The following ZNF534 variants were observed in gnomAD, a reference collection of about 807,000 sequenced individuals.
ZNF534 encodes the protein zinc finger protein 534, also known as KRAB domain only 3.
ZNF534 carries 19 observed loss-of-function variants against 13.6 expected under a neutral mutation model. The observed-to-expected ratio is 1.40, with a 90% confidence interval of 0.97 to 2.05. The LOEUF (loss-of-function observed/expected upper bound fraction) is 2.05, where lower values mean the gene tolerates loss of function less well. Among genes scored for constraint, ZNF534 ranks in the 30% most tolerant of loss-of-function variants. The pLI is 0.00. For missense variants in ZNF534, 782 were observed against 796.3 expected, an observed-to-expected ratio of 0.98 and a Z score of 0.22; for synonymous variants, 244 against 273.8, an observed-to-expected ratio of 0.89 and a Z score of 1.07.
chr19:52,431,530 T>G (rs1332546642), intron 2 of ZNF534, 41 bp downstream of exon 2: 1 of 1,613,216 alleles, frequency 6.2e-7, no homozygotes. Context: ...TCTCTGTTTC[T>G]TCCTGAAATG....
In ZNF534 at chr19:52,439,194, C is replaced by G; in HGVS notation, c.1734C>G (p.His578Gln). 2 of 1,537,500 alleles carry G rather than the reference C, an allele frequency of 1.3e-6. No homozygotes were observed. Among genetic ancestry groups the G allele is most frequent in the Non-Finnish European group, 1.8e-6 (2 of 1,136,860 alleles). The change falls in exon 5 of 5, where the codon CAC becomes CAG. Residue 578 changes from histidine to glutamine, a missense_variant. This residue lies in a region of ZNF534 where 591 missense variants were observed against 574.0 expected (regional missense o/e 1.03). Coordinates refer to ENST00000433050, the MANE Select transcript of ZNF534 (RefSeq NM_001143938.3). ...HRNIHTGEKP[H>Q]SCNECGKVFS... is the part of the protein sequence containing the mutation. ...ATATTCATACTGGAGAGAAGCCTCA[C>G]AGTTGTAATGAATGTGGCAAGGTCT...
downstream of ZNF534, among the ~76,000 whole-genome samples, chr19:52,446,261 C>G (rs1320249421): frequency 6.6e-6 from 1 of 152,178 alleles, no homozygotes; most frequent in Non-Finnish European, 1.5e-5. Flanking sequence ...TCTCCATGCT[C>G]AATCTCAAGG....
In ZNF534 at chr19:52,440,532, G is replaced by A. The variant is rs1296325420; in HGVS notation, c.*1086G>A. 6.6e-6 allele frequency among the ~76,000 whole-genome samples: 1 copy of A among 152,168 alleles called. No homozygotes were observed. Among genetic ancestry groups the A allele is most frequent in the East Asian group, 1.9e-4 (1 of 5,174 alleles). ...GCGGTGGCTCACGCCTGTAATCCCA[G>A]CACTTTGGGAGGCTGAGGCAGACGG... On this transcript the variant is annotated 3_prime_UTR_variant, in exon 5 of 5. Transcript: ENST00000433050.
chr19:52,435,784 C>T (rs1360312427), intron 4 of ZNF534, among the ~76,000 whole-genome samples: 1 of 152,132 alleles, frequency 6.6e-6, no homozygotes, highest in Non-Finnish European at 1.5e-5. Context: ...GGATTACAGG[C>T]ATGAGCCACT....
downstream of ZNF534, among the ~76,000 whole-genome samples, chr19:52,443,069 G>A (rs376111518): frequency 7.2e-5 from 11 of 152,112 alleles, no homozygotes; most frequent in African/African-American, 2.2e-4. Flanking sequence ...GGAGGGGAAG[G>A]GGTGGTCACC....
chr19:52,451,966 C>A (rs552679114), exon 5 of ZNF534: 9 of 366,006 alleles, frequency 2.5e-5, no homozygotes, highest in Middle Eastern at 1.0e-3. Flanking sequence ...GAACAGAAAA[C>A]GAGAAGTCAT....
chr19:52,436,892 T>C (rs2059132260), intron 4 of ZNF534, among the ~76,000 whole-genome samples: 1 of 152,172 alleles, frequency 6.6e-6, no homozygotes. Flanking sequence ...GTTTGGTGTC[T>C]GGAGTTTTAT....
Position 52,438,360 on chromosome 19 carries a change from T to C in ZNF534, c.900T>C (p.Cys300=), listed in dbSNP as rs988309496. Reference sequence around the variant, plus strand: ...ATACTGGAGAGAAGCCTTACAAATGTAGTGAATGTGGCAAAGCATTTAGTG... The same window carrying C: ...ATACTGGAGAGAAGCCTTACAAATGCAGTGAATGTGGCAAAGCATTTAGTG... ...KIHTGEKPYK[C]SECGKAFSVC... Residue 300 remains cysteine, a synonymous_variant, in exon 5 of 5, where the codon TGT becomes TGC. Coordinates refer to ENST00000433050, the MANE Select transcript of ZNF534 (RefSeq NM_001143938.3). 1.2e-5 allele frequency: 19 copies of C among 1,613,294 alleles called. No individual in the cohort carries two copies. The highest frequency in any genetic ancestry group is 1.0e-4 in the Admixed American group (6 of 59,958).
rs1451505877 is a variant in ZNF534 at position 52,442,471 on chromosome 19, C to T, written c.*3025C>T. Among the ~76,000 whole-genome samples, 1 of 152,198 alleles carries T rather than the reference C, an allele frequency of 6.6e-6. No homozygotes were observed. The highest frequency in any genetic ancestry group is 1.5e-5 in the Non-Finnish European group (1 of 68,042). ...AGAAACAATGCTTATCACTGGCTTG[C>T]TCTCAATAAATATGTGGGTCAAACT... On this transcript the variant is annotated 3_prime_UTR_variant, in exon 5 of 5. Coordinates refer to ENST00000433050, the MANE Select transcript of ZNF534 (RefSeq NM_001143938.3).
At chr19:52,430,850 T>TTTTTTC (rs1306017658) in intron 1 of ZNF534, among the ~76,000 whole-genome samples, 4 of 147,964 alleles carry the variant, frequency 2.7e-5, no homozygotes, top group Non-Finnish European at 6.0e-5. Context: ...ATGGCCTTTT[T>TTTTTTC]TTTTTCTTTT....
chr19:52,437,907 A>G lies in ZNF534; in HGVS notation c.447A>G (p.Gln149=), dbSNP rs373227316. 1.2e-6 allele frequency: 2 copies of G among 1,613,190 alleles called. No individual in the cohort carries two copies. The highest frequency in any genetic ancestry group is 1.7e-6 in the Non-Finnish European group (2 of 1,179,532). ...ACAATTCTTCAGTTTCACCAGTTCA[A>G]ATAAGTTTTTTCAGTGTCAAAACCC... ...ISDNSSVSPV[Q]ISFFSVKTHI... is the part of the protein sequence containing the mutation. The change falls in exon 5 of 5, where the codon CAA becomes CAG. Residue 149 remains glutamine, a synonymous_variant. Coordinates refer to ENST00000433050, the MANE Select transcript of ZNF534 (RefSeq NM_001143938.3).
exon 5 of ZNF534, chr19:52,451,769 A>G: frequency 1.5e-6 from 1 of 682,840 alleles, no homozygotes; most frequent in Non-Finnish European, 2.7e-6. Context: ...TATAGAGGAA[A>G]TGTTGGTGTT....
chr19:52,433,799 A>G, intron 2 of ZNF534, 156 bp from the exon 3 acceptor site: 1 of 803,710 alleles, frequency 1.2e-6, no homozygotes. Context: ...ATAATAAAAC[A>G]CAATCACAGA....
In ZNF534 at chr19:52,440,455, A is replaced by G. The variant is rs2059164626; in HGVS notation, c.*1009A>G. Among the ~76,000 whole-genome samples, 1 of 152,224 alleles carries G rather than the reference A, an allele frequency of 6.6e-6. No homozygotes were observed. Among genetic ancestry groups the G allele is most frequent in the African/African-American group, 2.4e-5 (1 of 41,460 alleles). On this transcript the variant is annotated 3_prime_UTR_variant, in exon 5 of 5. Transcript: ENST00000433050. ...TAAATGTAGCAAATATGGCAAAGTC[A>G]AAGTCACAATTCACATCTTGCACAT...
At position 52,440,673 on chromosome 19, in the gene ZNF534, C is replaced by G. The variant is rs914815347; in HGVS notation, c.*1227C>G. 1.5e-4 allele frequency among the ~76,000 whole-genome samples: 12 copies of G among 80,714 alleles called. No homozygotes were observed. Among genetic ancestry groups the G allele is most frequent in the African/African-American group, 4.8e-4 (11 of 22,998 alleles). The allele number at this position is 80,714 out of a possible 152,430, so 53.0% of individuals were successfully genotyped here. ...GTGGGTGTCTGTAATCCCAGCTACT[C>G]AGGAGGCTGAGGCAGGAGAATCACT... On this transcript the variant is annotated 3_prime_UTR_variant, in exon 5 of 5. Coordinates refer to ENST00000433050, the MANE Select transcript of ZNF534 (RefSeq NM_001143938.3).
chr19:52,444,281 A>C (rs1204917951), downstream of ZNF534, among the ~76,000 whole-genome samples: 1 of 152,086 alleles, frequency 6.6e-6, no homozygotes, highest in Non-Finnish European at 1.5e-5. Context: ...TGGATGATCT[A>C]GCCACCCAGC....
rs527794451 is a variant in ZNF534 at position 52,442,437 on chromosome 19, A to G, written c.*2991A>G. ...CATAAGGAATGCTTTTATGTAATCT[A>G]TAATCAATAGAAACAATGCTTATCA... On this transcript the variant is annotated 3_prime_UTR_variant, in exon 5 of 5. Coordinates refer to ENST00000433050, the MANE Select transcript of ZNF534 (RefSeq NM_001143938.3). 2.6e-5 allele frequency among the ~76,000 whole-genome samples: 4 copies of G among 152,346 alleles called. No homozygotes were observed. Among genetic ancestry groups the G allele is most frequent in the Non-Finnish European group, 5.9e-5 (4 of 68,024 alleles).
chr19:52,435,273 C>G (rs2059121750), intron 4 of ZNF534, 64 bp downstream of exon 4: 2 of 1,516,998 alleles, frequency 1.3e-6, no homozygotes, highest in Admixed American at 2.1e-5. Context: ...GGGTCTCACT[C>G]TGTCATCCAG....
At chr19:52,446,606 C>G (rs1051035601), downstream of ZNF534, among the ~76,000 whole-genome samples, 3 of 152,118 alleles carry the variant, frequency 2.0e-5, no homozygotes, top group Non-Finnish European at 4.4e-5. Flanking sequence ...GCCTGTAACC[C>G]CAGCACTTTG....
Sources: gnomAD v4.1 joint callset for allele counts (sites outside exome capture counted in the v4.1 genomes callset) on GRCh38, gnomAD v4.1.1 for gene constraint, gnomAD v4.1.1 regional missense constraint, MANE v1.5 for transcripts, NCBI Gene and HGNC (gene_info 2026-07-23, HGNC 2026-07-21) for gene names.